UNC79: variants seen among roughly 807,000 people sequenced by gnomAD.
The protein encoded by UNC79 is protein unc-79 homolog.
UNC79 carries 37 observed loss-of-function variants against 283.1 expected under a neutral mutation model. The ratio of observed to expected loss-of-function variants is 0.13; its 90% CI spans 0.10 to 0.17. The LOEUF (loss-of-function observed/expected upper bound fraction) is 0.17. Among genes scored for constraint, UNC79 ranks in the 10% least tolerant of loss-of-function variants. UNC79 has a pLI of 1.00. For missense variants in UNC79, 2,272 were observed against 3,211.1 expected, an observed-to-expected ratio of 0.71 and a Z score of 7.07; for synonymous variants, 1,107 against 1,200.2, an observed-to-expected ratio of 0.92 and a Z score of 1.61.
Position 93,580,323 on chromosome 14 carries a change from C to G in UNC79, c.2608C>G (p.Leu870Val), listed in dbSNP as rs781346562. Residue 870 changes from leucine to valine, a missense_variant, in exon 19 of 49, where the codon CTT (leucine) becomes GTT (valine). Leu to Val is a conservative substitution (Grantham distance 32). This residue lies in a region of UNC79 where 356 missense variants were observed against 416.2 expected (regional missense o/e 0.86). Transcript: ENST00000555664. ...TCAGTCTAGTATCCTCTGCTATCAG[C>G]TTGCTTGTGAACTCCTGGAGAGACT... The G allele has an allele frequency of 1.9e-6, 3 of 1,614,088 alleles. No homozygotes were observed. In the Admixed American group the frequency reaches 5.0e-5, roughly 27 times the overall value.
At chr14:93,376,978 C>T (rs1227970887) in intron 1 of UNC79, among the ~76,000 whole-genome samples, 1 of 150,462 alleles carries the variant, frequency 6.6e-6, no homozygotes, top group African/African-American at 2.4e-5. Context: ...AAGAGTTCTC[C>T]TTTTCCCTTT....
chr14:93,557,457 A>G (rs1379476131), intron 14 of UNC79, among the ~76,000 whole-genome samples: 1 of 152,160 alleles, frequency 6.6e-6, no homozygotes, highest in African/African-American at 2.4e-5. Context: ...TCCCTAACAA[A>G]TCCAATAAGC....
intron 1 of UNC79, among the ~76,000 whole-genome samples, chr14:93,350,301 G>A (rs948389868): frequency 6.6e-6 from 1 of 151,968 alleles, no homozygotes; most frequent in Non-Finnish European, 1.5e-5. Flanking sequence ...AAAGAAAATA[G>A]GAAGTAAAAG....
chr14:93,359,180 T>G (rs994888871), intron 1 of UNC79, among the ~76,000 whole-genome samples: 1 of 152,174 alleles, frequency 6.6e-6, no homozygotes, highest in Non-Finnish European at 1.5e-5. Flanking sequence ...AGCTGAAATA[T>G]GGATTAAAAG....
chr14:93,626,382 A>G (rs1039322139), intron 30 of UNC79, among the ~76,000 whole-genome samples: 4 of 152,172 alleles, frequency 2.6e-5, no homozygotes, highest in Admixed American at 1.3e-4. Context: ...CCACATGTGG[A>G]CACGATTCTA....
chr14:93,568,149 G>C lies in UNC79; in HGVS notation c.1756-3745G>C, dbSNP rs12890456. Among the ~76,000 whole-genome samples, 856 of 152,238 alleles carry C rather than the reference G, an allele frequency of 5.6e-3. 6 individuals carry two copies. The highest frequency in any genetic ancestry group is 9.4e-3 in the Non-Finnish European group (641 of 68,014). On this transcript the variant is annotated intron_variant, in intron 14 of 48. Transcript: ENST00000555664. ...TTAGCTTAGTAATTTTGGTGCCCAA[G>C]GTTTTCCTTTCACACTTTGTATGAC...
exon 37 of UNC79, chr14:93,653,967 C>T (rs968285182): frequency 4.3e-6 from 7 of 1,614,012 alleles, no homozygotes; most frequent in South Asian, 1.1e-5. Flanking sequence ...ACCTTAGCCT[C>T]GTCTCTGATG....
intron 1 of UNC79, among the ~76,000 whole-genome samples, chr14:93,360,874 G>A (rs2054205650): frequency 6.6e-6 from 1 of 152,112 alleles, no homozygotes; most frequent in Non-Finnish European, 1.5e-5. Flanking sequence ...GATATTCCTT[G>A]TAAGGTGAAG....
At chr14:93,405,710 C>T (rs1340400458) in intron 1 of UNC79, among the ~76,000 whole-genome samples, 1 of 152,160 alleles carries the variant, frequency 6.6e-6, no homozygotes, top group East Asian at 1.9e-4. Context: ...GAGGAATTCA[C>T]AATGCCAATT....
chr14:93,635,380 TTGCAACA>T (rs1285536969), intron 31 of UNC79, among the ~76,000 whole-genome samples: 1 of 152,206 alleles, frequency 6.6e-6, no homozygotes, highest in Non-Finnish European at 1.5e-5. Context: ...TGAAAACACC[TTGCAACA>T]TGCATGCACC....
chr14:93,580,105 T>C, intron 18 of UNC79, 44 bp from the exon 19 acceptor site: 3 of 1,520,098 alleles, frequency 2.0e-6, no homozygotes, highest in Non-Finnish European at 2.7e-6. Context: ...TCTTCTTTTT[T>C]TTTTGTGTGT....
At chr14:93,548,203 G>C (rs2061697848) in intron 14 of UNC79, among the ~76,000 whole-genome samples, 1 of 152,162 alleles carries the variant, frequency 6.6e-6, no homozygotes, top group African/African-American at 2.4e-5. Flanking sequence ...AGTGTCTGGT[G>C]AGGGCCTACG....
intron 20 of UNC79, among the ~76,000 whole-genome samples, chr14:93,586,211 C>T (rs2064215207): frequency 6.6e-6 from 1 of 152,162 alleles, no homozygotes; most frequent in African/African-American, 2.4e-5. Context: ...TGCATATCTC[C>T]CTTCCAATTA....
intron 11 of UNC79, among the ~76,000 whole-genome samples, chr14:93,533,639 G>A (rs2060931549): frequency 6.6e-6 from 1 of 152,130 alleles, no homozygotes; most frequent in Non-Finnish European, 1.5e-5. Context: ...AGTCTTCTGA[G>A]AGAGTGAGAG....
At chr14:93,558,593 A>ATTTTTTTTTTTTTTTTT (rs71129647) in intron 14 of UNC79, among the ~76,000 whole-genome samples, 4 of 62,778 alleles carry the variant, frequency 6.4e-5, no homozygotes, top group African/African-American at 1.5e-4. Context: ...AGAAACAGGG[A>ATTTTTTTTTTTTTTTTT]TTTTTTTTTT....
upstream of UNC79, among the ~76,000 whole-genome samples, chr14:93,429,856 A>G (rs2055815294): frequency 6.6e-6 from 1 of 152,210 alleles, no homozygotes; most frequent in African/African-American, 2.4e-5. Context: ...CTGCCCAGTA[A>G]CTCTTCAGGT....
chr14:93,694,460 C>T, intron 47 of UNC79, 48 bp downstream of exon 50: 1 of 1,517,258 alleles, frequency 6.6e-7, no homozygotes, highest in African/African-American at 1.4e-5. Flanking sequence ...CTGCTAAAAA[C>T]AAATGTGGAT....
chr14:93,421,912 T>C (rs886175114), intron 1 of UNC79, among the ~76,000 whole-genome samples: 1 of 151,812 alleles, frequency 6.6e-6, no homozygotes, highest in African/African-American at 2.4e-5. Context: ...AAAAACCATA[T>C]GATCATTTCA....
intron 7 of UNC79, 42 bp downstream of exon 7, chr14:93,497,328 C>G: frequency 6.3e-7 from 1 of 1,596,710 alleles, no homozygotes; most frequent in Non-Finnish European, 8.5e-7. Flanking sequence ...CTGTATTTCT[C>G]CTGTGCCACA....
Sources: allele counts gnomAD v4.1 joint callset (sites outside exome capture counted in the v4.1 genomes callset), GRCh38; gene constraint gnomAD v4.1.1; regional missense constraint gnomAD v4.1.1; transcripts MANE v1.5; gene names NCBI Gene and HGNC (gene_info 2026-07-23, HGNC 2026-07-21).